The following CNGA3 variants were observed in gnomAD, a reference collection of about 807,000 sequenced individuals.
CNGA3 encodes cyclic nucleotide-gated channel alpha-3.
CNGA3 carries 42 observed loss-of-function variants against 46.6 expected under a neutral mutation model. The observed-to-expected ratio is 0.90, with a 90% confidence interval of 0.70 to 1.17. CNGA3 has a LOEUF of 1.17. CNGA3 is among the 50% of genes most tolerant of loss of function. The probability of loss-of-function intolerance (pLI) is 0.00; values close to 1 mark genes in which losing one functional copy is unlikely to be tolerated. For missense variants in CNGA3, 893 were observed against 890.7 expected (o/e 1.00, Z -0.03); for synonymous variants, 394 against 369.4 (o/e 1.07, Z -0.76).
intron 1 of CNGA3, among the ~76,000 whole-genome samples, chr2:98,363,849 T>C (rs1313339523): frequency 6.6e-6 from 1 of 152,216 alleles, no homozygotes; most frequent in Non-Finnish European, 1.5e-5. Context: ...AATATCCTTG[T>C]TAATTTTCTG....
intron 4 of CNGA3, among the ~76,000 whole-genome samples, chr2:98,381,079 C>T (rs1018542139): frequency 6.6e-6 from 1 of 152,148 alleles, no homozygotes; most frequent in Non-Finnish European, 1.5e-5. Context: ...TGCTGCCTCC[C>T]CTCCTGACTT....
At chr2:98,351,394 T>G (rs1045744986) in intron 1 of CNGA3, among the ~76,000 whole-genome samples, 1 of 152,140 alleles carries the variant, frequency 6.6e-6, no homozygotes, top group Non-Finnish European at 1.5e-5. Flanking sequence ...AGTGAATAAG[T>G]CTCATGAGAT....
At position 98,396,475 on chromosome 2, in the gene CNGA3, G is replaced by T; in HGVS notation, c.1305G>T (p.Thr435=). The change falls in exon 8 of 8, where the codon ACG becomes ACT. Residue 435 remains threonine, a synonymous_variant. Coordinates refer to ENST00000272602, the MANE Select transcript of CNGA3 (RefSeq NM_001298.3). Reference sequence around the variant, plus strand: ...GCAAGGTCACCAAGGACTTGGAGACGCGGGTTATCCGGTGGTTTGACTACC... The same window carrying T: ...GCAAGGTCACCAAGGACTTGGAGACTCGGGTTATCCGGTGGTTTGACTACC... ...QFRKVTKDLE[T]RVIRWFDYLW... The T allele has an allele frequency of 1.2e-6, 2 of 1,614,002 alleles. No homozygotes were observed. Among genetic ancestry groups the T allele is most frequent in the Non-Finnish European group, 1.7e-6 (2 of 1,180,042 alleles).
intron 1 of CNGA3, among the ~76,000 whole-genome samples, chr2:98,368,125 C>T (rs1300091163): frequency 6.6e-6 from 1 of 152,110 alleles, no homozygotes; most frequent in African/African-American, 2.4e-5. Context: ...TTGAGAAAAC[C>T]AGAATATTTA....
chr2:98,352,673 G>T (rs191346280), intron 1 of CNGA3, among the ~76,000 whole-genome samples: 17 of 152,270 alleles, frequency 1.1e-4, no homozygotes, highest in African/African-American at 4.1e-4. Flanking sequence ...AAAGCAGATT[G>T]CCCTCCCCAG....
intron 1 of CNGA3, among the ~76,000 whole-genome samples, chr2:98,349,025 A>G (rs1435227120): frequency 6.6e-6 from 1 of 152,302 alleles, no homozygotes; most frequent in African/African-American, 2.4e-5. Flanking sequence ...AGAAGCAAGG[A>G]TGTGTGGATT....
rs901535728 is a variant in CNGA3 at position 98,392,023 on chromosome 2, C to T, written c.673+53C>T. Reference sequence around the variant, plus strand: ...GACCATGGCCCCCACGGGAGTGTTCCGGGAGACCCAGCATGGTGGATGGGA... The same window carrying T: ...GACCATGGCCCCCACGGGAGTGTTCTGGGAGACCCAGCATGGTGGATGGGA... On this transcript the variant is annotated intron_variant, in intron 7 of 7. Coordinates refer to ENST00000272602, the MANE Select transcript of CNGA3 (RefSeq NM_001298.3). The T allele has an allele frequency of 9.3e-5, 141 of 1,510,224 alleles. 1 individual carries two copies. Among genetic ancestry groups the T allele is most frequent in the South Asian group, 1.2e-4 (11 of 88,728 alleles). 93.6% of individuals were successfully genotyped at this position (1,510,224 alleles called of 1,614,324 possible).
intron 1 of CNGA3, among the ~76,000 whole-genome samples, chr2:98,365,869 T>G (rs901592904): frequency 6.6e-6 from 1 of 152,216 alleles, no homozygotes; most frequent in Non-Finnish European, 1.5e-5. Flanking sequence ...CAAAGTTTGT[T>G]ATTACCCACT....
chr2:98,364,187 G>A (rs1180820600), intron 1 of CNGA3, among the ~76,000 whole-genome samples: 1 of 152,052 alleles, frequency 6.6e-6, no homozygotes, highest in Non-Finnish European at 1.5e-5. Context: ...AGACTAGCCT[G>A]GCCAACATGG....
intron 2 of CNGA3, among the ~76,000 whole-genome samples, chr2:98,371,061 G>T (rs1434769355): frequency 1.3e-5 from 2 of 152,140 alleles, no homozygotes; most frequent in Non-Finnish European, 2.9e-5. Context: ...CTGACCTCAG[G>T]TGATCCACCT....
At chr2:98,378,224 T>C (rs770714317) in intron 3 of CNGA3, 299 of 1,537,316 alleles carry the variant, frequency 1.9e-4, no homozygotes, top group Non-Finnish European at 2.5e-4. Context: ...CCAGGGCAGG[T>C]AGGTGTCCTT....
Position 98,396,410 on chromosome 2 carries a change from C to G in CNGA3, c.1240C>G (p.Gln414Glu), listed in dbSNP as rs1250121138. The G allele has an allele frequency of 1.9e-6, 3 of 1,613,952 alleles. No homozygotes were observed. The Admixed American group carries it at 5.0e-5, about 27-fold the overall frequency. Residue 414 changes from glutamine (Q) to glutamate (E), a missense_variant, in exon 8 of 8, where the codon CAG (glutamine) becomes GAG (glutamate). Around this residue, in one of 3 missense-constraint regions of CNGA3, gnomAD observed 548 missense variants for 570.8 expected, o/e 0.96. Transcript: ENST00000272602. ...TATGAATGCCTCACGGGCAGAGTTC[C>G]AGGCCAAGATTGATTCCATCAAGCA... is the stretch of plus-strand genomic sequence containing the variant. ...SNMNASRAEF[Q>E]AKIDSIKQYM... is the part of the protein sequence containing the mutation.
At chr2:98,347,492 A>G (rs1234751484) in intron 1 of CNGA3, among the ~76,000 whole-genome samples, 1 of 152,232 alleles carries the variant, frequency 6.6e-6, no homozygotes, top group East Asian at 1.9e-4. Context: ...TAATCTCCCT[A>G]CTGAGCGGCG....
At chr2:98,363,174 T>A (rs904199439) in intron 1 of CNGA3, among the ~76,000 whole-genome samples, 8 of 152,248 alleles carry the variant, frequency 5.3e-5, no homozygotes, top group Non-Finnish European at 1.2e-4. Context: ...AGTAGTTTTT[T>A]CTAATTCTGT....
chr2:98,350,633 T>A (rs1467891504), intron 1 of CNGA3, among the ~76,000 whole-genome samples: 1 of 152,182 alleles, frequency 6.6e-6, no homozygotes, highest in Non-Finnish European at 1.5e-5. Flanking sequence ...CTGAATCATC[T>A]CTGCAGAGAC....
chr2:98,349,361 A>G (rs983564457), intron 1 of CNGA3, among the ~76,000 whole-genome samples: 7 of 152,236 alleles, frequency 4.6e-5, no homozygotes, highest in Non-Finnish European at 7.3e-5. Flanking sequence ...CCAAATTATG[A>G]AAAGTCTTGA....
intron 1 of CNGA3, among the ~76,000 whole-genome samples, chr2:98,368,159 AC>A (rs1313952410): frequency 1.3e-5 from 2 of 152,238 alleles, no homozygotes; most frequent in African/African-American, 4.8e-5. Flanking sequence ...AAACTATCAA[AC>A]ATCAGAGACA....
At chr2:98,348,217 G>C (rs189862730) in intron 1 of CNGA3, among the ~76,000 whole-genome samples, 261 of 152,276 alleles carry the variant, frequency 1.7e-3, no homozygotes, top group Non-Finnish European at 3.2e-3. Context: ...GCCTCCTCCT[G>C]TGTAGATGCC....
intron 5 of CNGA3, among the ~76,000 whole-genome samples, chr2:98,388,692 C>T (rs2104227040): frequency 6.6e-6 from 1 of 152,372 alleles, no homozygotes; most frequent in South Asian, 2.1e-4. Context: ...TTCGTTTGCC[C>T]TCACAAGTGG....
Sources: gnomAD v4.1 joint callset for allele counts (sites outside exome capture counted in the v4.1 genomes callset) on GRCh38, gnomAD v4.1.1 for gene constraint, gnomAD v4.1.1 regional missense constraint, MANE v1.5 for transcripts, NCBI Gene and HGNC (gene_info 2026-07-23, HGNC 2026-07-21) for gene names.